Variants in ADAM7 observed in about 807,000 individuals in gnomAD.
The protein encoded by ADAM7 is disintegrin and metalloproteinase domain-containing protein 7.
In ADAM7, 97 loss-of-function variants were observed where a neutral mutation model predicts 102.9. The observed-to-expected ratio is 0.94, with a 90% CI of 0.80 to 1.12. The LOEUF (loss-of-function observed/expected upper bound fraction) is 1.12, where lower values mean the gene tolerates loss of function less well. Ranked by LOEUF, ADAM7 falls within the 50% of genes most tolerant of loss-of-function variation. The pLI, the probability that ADAM7 is intolerant of heterozygous loss-of-function variation, is 0.00. For missense variants in ADAM7, 991 were observed against 908.7 expected (o/e 1.09, Z -1.16); for synonymous variants, 334 against 304.4 (o/e 1.10, Z -1.01).
intron 3 of ADAM7, among the ~76,000 whole-genome samples, chr8:24,447,542 C>T (rs1233018063): frequency 6.6e-6 from 1 of 152,068 alleles, no homozygotes; most frequent in Non-Finnish European, 1.5e-5. Context: ...AGGGTTGATA[C>T]ATTACTGTGT....
chr8:24,505,984 A>C, intron 20 of ADAM7: 2 of 809,068 alleles, frequency 2.5e-6, no homozygotes, highest in Non-Finnish European at 4.1e-6. Context: ...CCTGAGATAG[A>C]CTCATATGTT....
intron 13 of ADAM7, 80 bp downstream of exon 13, chr8:24,490,968 C>G: frequency 7.3e-7 from 1 of 1,377,128 alleles, no homozygotes; most frequent in Non-Finnish European, 1.0e-6. Flanking sequence ...AACCACTGGA[C>G]AGCCCTGCAC....
intron 3 of ADAM7, among the ~76,000 whole-genome samples, chr8:24,454,115 C>A (rs1057277751): frequency 6.6e-6 from 1 of 152,114 alleles, no homozygotes; most frequent in Non-Finnish European, 1.5e-5. Flanking sequence ...GGGACCCACT[C>A]GAGGAGGCAG....
chr8:24,469,656 C>T (rs1819541185), intron 7 of ADAM7, among the ~76,000 whole-genome samples: 1 of 152,160 alleles, frequency 6.6e-6, no homozygotes, highest in African/African-American at 2.4e-5. Flanking sequence ...AACTGTAAAT[C>T]ATCCAATGAT....
intron 3 of ADAM7, among the ~76,000 whole-genome samples, chr8:24,459,970 AT>A (rs201780786): frequency 4.6e-5 from 7 of 151,806 alleles, no homozygotes; most frequent in East Asian, 3.9e-4. Flanking sequence ...AAAAGTCTTG[AT>A]TTTTTTTATT....
rs760886626 is a variant in ADAM7, at chr8:24,463,846, G to T, written c.234-36G>T. The T allele has an allele frequency of 1.9e-6, 3 of 1,565,800 alleles. No individual in the cohort carries two copies. In the South Asian group the frequency reaches 3.3e-5, roughly 17 times the overall value. On this transcript the variant is annotated intron_variant, in intron 3 of 21. Transcript: ENST00000175238. ...GTTTTATCTGTCAGGTTTTTAGAAC[G>T]AACAAATCTCACCACCTGTCTGCCC...
intron 3 of ADAM7, among the ~76,000 whole-genome samples, chr8:24,453,725 C>T (rs891957362): frequency 4.6e-5 from 7 of 152,200 alleles, no homozygotes; most frequent in African/African-American, 1.7e-4. Context: ...AGGAGAGGCG[C>T]TCTCCTTTAT....
intron 2 of ADAM7, among the ~76,000 whole-genome samples, chr8:24,443,230 A>T (rs1489175010): frequency 6.6e-6 from 1 of 152,152 alleles, no homozygotes; most frequent in African/African-American, 2.4e-5. Flanking sequence ...GAGAATACTG[A>T]CAGGCACGTT....
At chr8:24,452,324 CTGGGTGCTCCTGTAT>C (rs1165901347) in intron 3 of ADAM7, among the ~76,000 whole-genome samples, 2 of 149,824 alleles carry the variant, frequency 1.3e-5, no homozygotes, top group Non-Finnish European at 3.0e-5. Flanking sequence ...CTTTACGAAT[CTGGGTGCTCCTGTAT>C]TGGGTGCATA....
intron 7 of ADAM7, among the ~76,000 whole-genome samples, chr8:24,475,068 T>G (rs1418188386): frequency 6.6e-6 from 1 of 152,054 alleles, no homozygotes; most frequent in Non-Finnish European, 1.5e-5. Flanking sequence ...AGGATATGGA[T>G]GAAACACTGA....
intron 8 of ADAM7, among the ~76,000 whole-genome samples, chr8:24,480,655 G>C (rs1260596831): frequency 6.6e-6 from 1 of 152,088 alleles, no homozygotes; most frequent in East Asian, 1.9e-4. Flanking sequence ...TAAACGTAAA[G>C]CCCATTTGTG....
At chr8:24,483,413 A>G (rs1820027718) in intron 9 of ADAM7, among the ~76,000 whole-genome samples, 2 of 152,144 alleles carry the variant, frequency 1.3e-5, no homozygotes, top group African/African-American at 2.4e-5. Context: ...CACTCTTCCT[A>G]CTTTATATAC....
chr8:24,464,975 C>T (rs941184269), intron 4 of ADAM7, among the ~76,000 whole-genome samples: 36 of 151,902 alleles, frequency 2.4e-4, no homozygotes, highest in Admixed American at 2.2e-3. Flanking sequence ...TTAGTAGAGG[C>T]GGGGTTTCAC....
chr8:24,447,935 AAAACACACAC>A (rs1818625541), intron 3 of ADAM7, among the ~76,000 whole-genome samples: 2 of 111,216 alleles, frequency 1.8e-5, no homozygotes, highest in African/African-American at 3.6e-5. Context: ...AGTAAATAAC[AAAACACACAC>A]ACACACACAC....
At chr8:24,492,699 C>A in intron 15 of ADAM7, 102 bp downstream of exon 15, 1 of 758,384 alleles carries the variant, frequency 1.3e-6, no homozygotes, top group Non-Finnish European at 2.1e-6. Context: ...TTTACTGAGA[C>A]CGGGAGAAGA....
At chr8:24,506,162 T>C in intron 20 of ADAM7, 1 of 1,547,600 alleles carries the variant, frequency 6.5e-7, no homozygotes. Context: ...CACTGGTACG[T>C]TCCCCTCCCC....
At chr8:24,485,878 T>A (rs1184658280) in intron 10 of ADAM7, among the ~76,000 whole-genome samples, 1 of 152,170 alleles carries the variant, frequency 6.6e-6, no homozygotes, top group Non-Finnish European at 1.5e-5. Context: ...AGTAACCCCA[T>A]CTGAGAGATG....
chr8:24,453,648 C>A (rs928490365), intron 3 of ADAM7, among the ~76,000 whole-genome samples: 24 of 152,204 alleles, frequency 1.6e-4, no homozygotes, highest in African/African-American at 5.5e-4. Context: ...TCTTCTCTCA[C>A]CTCGTCAAAG....
intron 3 of ADAM7, among the ~76,000 whole-genome samples, chr8:24,456,058 G>A (rs1492409): frequency 0.72 from 109,340 of 151,972 alleles, 40,139 homozygotes; most frequent in African/African-American, 0.81. Context: ...ACAGATCCCA[G>A]TAAAACTCAA....
Sources: allele counts gnomAD v4.1 joint callset (sites outside exome capture counted in the v4.1 genomes callset), GRCh38; gene constraint gnomAD v4.1.1; transcripts MANE v1.5; gene names NCBI Gene and HGNC (gene_info 2026-07-23, HGNC 2026-07-21).